SPOCK1: variants seen among roughly 807,000 people sequenced by gnomAD.
SPOCK1 encodes the protein testican-1.
SPOCK1 carries 23 observed loss-of-function variants against 55.3 expected under a neutral mutation model. The ratio of observed to expected loss-of-function variants is 0.42; its 90% CI spans 0.30 to 0.59. The LOEUF (loss-of-function observed/expected upper bound fraction) is 0.59, where lower values mean the gene tolerates loss of function less well. Ranked by LOEUF, SPOCK1 falls within the 20% of genes least tolerant of loss-of-function variation. SPOCK1 has a pLI of 0.22. For synonymous variants in SPOCK1, 226 were observed against 221.0 expected (o/e 1.02, Z -0.20); for missense variants, 499 against 552.5 (o/e 0.90, Z 0.97).
chr5:137,024,315 G>T (rs1751627204), intron 6 of SPOCK1, among the ~76,000 whole-genome samples: 1 of 8,320 alleles, frequency 1.2e-4, no homozygotes, highest in Admixed American at 8.1e-4. Context: ...CCAGTTTGAA[G>T]GGGGGGGGGT....
At chr5:137,213,823 T>A (rs2127083443) in intron 3 of SPOCK1, among the ~76,000 whole-genome samples, 1 of 152,354 alleles carries the variant, frequency 6.6e-6, no homozygotes, top group Non-Finnish European at 1.5e-5. Flanking sequence ...GGGGTTGCTG[T>A]TGTATACAGC....
At chr5:137,283,025 G>C (rs751440155) in intron 2 of SPOCK1, among the ~76,000 whole-genome samples, 4 of 152,234 alleles carry the variant, frequency 2.6e-5, no homozygotes, top group African/African-American at 4.8e-5. Flanking sequence ...CAGTGCAGAT[G>C]TGGGCATCTA....
At chr5:137,144,785 A>G (rs1754162511) in intron 3 of SPOCK1, among the ~76,000 whole-genome samples, 1 of 152,180 alleles carries the variant, frequency 6.6e-6, no homozygotes. Context: ...GCCTTTTAAT[A>G]AGTAGGGGAA....
chr5:137,191,593 C>A (rs572099399), intron 3 of SPOCK1, among the ~76,000 whole-genome samples: 1 of 152,196 alleles, frequency 6.6e-6, no homozygotes, highest in Admixed American at 6.5e-5. Context: ...AGTATGTGAC[C>A]TGTAGTATCA....
chr5:137,307,025 C>T (rs1757711597), intron 2 of SPOCK1, among the ~76,000 whole-genome samples: 2 of 152,176 alleles, frequency 1.3e-5, no homozygotes, highest in African/African-American at 2.4e-5. Context: ...CAGACTCCAC[C>T]CTTACCCAAC....
Position 137,498,439 on chromosome 5 carries a change from G to C in SPOCK1, c.120C>G (p.Asp40Glu). ...GAGPNHGNFL[D>E]NDQWLSTVSQ... Reference sequence around the variant, plus strand: ...AGACGGTGCTCAGCCACTGGTCATTGTCTAGGAAATTGCCGTGGTTGGGGC... The same window carrying C: ...AGACGGTGCTCAGCCACTGGTCATTCTCTAGGAAATTGCCGTGGTTGGGGC... The change falls in exon 2 of 11, where the codon GAC becomes GAG. Residue 40 changes from aspartate (D) to glutamate (E), a missense_variant. Asp to Glu is a conservative substitution (Grantham distance 45, BLOSUM62 2). Around this residue, in one of 3 missense-constraint regions of SPOCK1, gnomAD observed 386 missense variants for 400.6 expected, o/e 0.96. Coordinates refer to ENST00000394945, the MANE Select transcript of SPOCK1 (RefSeq NM_004598.4). 8 of 1,611,380 alleles carry C rather than the reference G, an allele frequency of 5.0e-6. No homozygotes were observed. The highest frequency in any genetic ancestry group is 6.8e-6 in the Non-Finnish European group (8 of 1,179,094).
At chr5:137,060,758 C>T (rs1392698430) in intron 6 of SPOCK1, among the ~76,000 whole-genome samples, 1 of 152,182 alleles carries the variant, frequency 6.6e-6, no homozygotes, top group Non-Finnish European at 1.5e-5. Context: ...TACCCTTTGC[C>T]TCAGCTTATC....
intron 2 of SPOCK1, among the ~76,000 whole-genome samples, chr5:137,389,478 T>A (rs2127178466): frequency 6.6e-6 from 1 of 152,372 alleles, no homozygotes; most frequent in East Asian, 1.9e-4. Flanking sequence ...CCCCTGACTT[T>A]GTGGATTTGA....
At chr5:137,025,269 C>A (rs937162020) in intron 6 of SPOCK1, among the ~76,000 whole-genome samples, 1 of 152,096 alleles carries the variant, frequency 6.6e-6, no homozygotes, top group African/African-American at 2.4e-5. Context: ...CTTTTCCAGG[C>A]CTTATCTCAC....
At chr5:137,496,380 G>T (rs967315352) in intron 2 of SPOCK1, among the ~76,000 whole-genome samples, 4 of 152,216 alleles carry the variant, frequency 2.6e-5, no homozygotes, top group Admixed American at 6.5e-5. Context: ...CAGGAATTCA[G>T]AATATCATGC....
chr5:137,111,914 C>A (rs1192123318), intron 5 of SPOCK1, among the ~76,000 whole-genome samples: 4 of 152,112 alleles, frequency 2.6e-5, no homozygotes, highest in African/African-American at 4.8e-5. Flanking sequence ...TTGTCCCTAC[C>A]CCCATTCATC....
intron 6 of SPOCK1, 126 bp from the exon 7 acceptor site, chr5:136,992,726 C>A: frequency 1.6e-6 from 1 of 622,906 alleles, no homozygotes; most frequent in Non-Finnish European, 2.7e-6. Context: ...TGTTACCTCA[C>A]GTGGAAAACA....
At chr5:137,177,142 C>A (rs888704486) in intron 3 of SPOCK1, among the ~76,000 whole-genome samples, 1 of 152,118 alleles carries the variant, frequency 6.6e-6, no homozygotes, top group East Asian at 1.9e-4. Flanking sequence ...GAATGAATGG[C>A]CTCACAGAGC....
intron 2 of SPOCK1, among the ~76,000 whole-genome samples, chr5:137,376,721 T>C (rs1561519310): frequency 6.6e-6 from 1 of 152,168 alleles, no homozygotes; most frequent in Non-Finnish European, 1.5e-5. Context: ...TTTTTTCTCT[T>C]CATGCCAGTT....
chr5:137,209,158 T>C (rs934678254), intron 3 of SPOCK1, among the ~76,000 whole-genome samples: 1 of 152,208 alleles, frequency 6.6e-6, no homozygotes, highest in Non-Finnish European at 1.5e-5. Flanking sequence ...TTTTAAAAAA[T>C]TTCTGTATGT....
intron 2 of SPOCK1, among the ~76,000 whole-genome samples, chr5:137,389,336 T>C (rs1751664807): frequency 6.6e-6 from 1 of 152,198 alleles, no homozygotes; most frequent in Admixed American, 6.5e-5. Context: ...GGATCCCAAA[T>C]GTTTGAATCC....
chr5:137,415,132 G>C (rs1580913108), intron 2 of SPOCK1, among the ~76,000 whole-genome samples: 1 of 152,160 alleles, frequency 6.6e-6, no homozygotes, highest in Admixed American at 6.5e-5. Flanking sequence ...TAAAATTGAT[G>C]AGAAAAATGT....
chr5:137,168,016 G>C (rs1198523128), intron 3 of SPOCK1, among the ~76,000 whole-genome samples: 1 of 151,784 alleles, frequency 6.6e-6, no homozygotes, highest in Non-Finnish European at 1.5e-5. Flanking sequence ...GAAAACAAAA[G>C]ATCAATGACA....
At position 137,062,525 on chromosome 5, in the gene SPOCK1, A is replaced by AAATAATAATAATAAT. The variant is rs71583272; in HGVS notation, c.589+5175_589+5189dup. On this transcript the variant is annotated intron_variant, in intron 6 of 10. Transcript: ENST00000394945. The stretch of plus-strand genomic sequence containing the variant: ...TCCTCTTGAGATTTTCAAGCATTAT[A>AAATAATAATAATAAT]AATAATAATAATAATAATAATAATA... Among the ~76,000 whole-genome samples, 54 of 143,464 alleles carry AAATAATAATAATAAT rather than the reference A, an allele frequency of 3.8e-4. 1 individual carries two copies. The highest frequency in any genetic ancestry group is 5.4e-4 in the African/African-American group (21 of 39,146). The allele number at this position is 143,464 out of a possible 152,430, so 94.1% of individuals were successfully genotyped here.
Sources: gnomAD v4.1 joint callset for allele counts (sites outside exome capture counted in the v4.1 genomes callset) on GRCh38, gnomAD v4.1.1 for gene constraint, gnomAD v4.1.1 regional missense constraint, MANE v1.5 for transcripts, NCBI Gene and HGNC (gene_info 2026-07-23, HGNC 2026-07-21) for gene names.